USP13: variants seen among roughly 807,000 people sequenced by gnomAD.
USP13 encodes the protein ubiquitin carboxyl-terminal hydrolase 13.
Under a neutral mutation model 107.8 loss-of-function variants are expected in USP13, and 68 were observed. That is an observed-to-expected ratio of 0.63 (90% confidence interval 0.52 to 0.77). The LOEUF is 0.77. USP13 is among the 30% of genes least tolerant of loss of function. The pLI is 0.00. For synonymous variants in USP13, 377 were observed against 389.5 expected (o/e 0.97, Z 0.38); for missense variants, 945 against 1,093.3 (o/e 0.86, Z 1.91).
chr3:179,710,954 A>G (rs1436669027), intron 6 of USP13, among the ~76,000 whole-genome samples: 1 of 152,192 alleles, frequency 6.6e-6, no homozygotes, highest in Non-Finnish European at 1.5e-5. Flanking sequence ...TGGAACACGC[A>G]GGGCTGGAGG....
At chr3:179,695,038 GA>G (rs1009454437) in intron 3 of USP13, among the ~76,000 whole-genome samples, 1 of 152,310 alleles carries the variant, frequency 6.6e-6, no homozygotes, top group Admixed American at 6.5e-5. Flanking sequence ...TTATTAGGAA[GA>G]AGGGGACAGT....
chr3:179,772,625 T>G (rs1231347710), intron 19 of USP13, among the ~76,000 whole-genome samples: 1 of 152,228 alleles, frequency 6.6e-6, no homozygotes, highest in Non-Finnish European at 1.5e-5. Flanking sequence ...ATGCCACTGG[T>G]GCTAATTCTC....
intron 1 of USP13, among the ~76,000 whole-genome samples, chr3:179,659,045 T>C (rs1033031032): frequency 2.6e-5 from 4 of 152,180 alleles, no homozygotes; most frequent in Non-Finnish European, 4.4e-5. Context: ...CCTTCTCGCA[T>C]TGGGACTGTT....
chr3:179,782,898 A>C (rs991601618), intron 20 of USP13, among the ~76,000 whole-genome samples: 2 of 152,166 alleles, frequency 1.3e-5, no homozygotes, highest in African/African-American at 4.8e-5. Flanking sequence ...GGCATGTGCT[A>C]TCATGACTGG....
Position 179,765,860 on chromosome 3 carries a change from C to A in USP13, c.2413+12C>A, listed in dbSNP as rs780302918. ...GGATGGATCTGGAAGTAAGTTCTTG[C>A]CTTAGAGGCTGTCTGAGCAGTCAGA... is the stretch of plus-strand genomic sequence containing the variant. On this transcript the variant is annotated intron_variant, in intron 19 of 20. Transcript: ENST00000263966. The A allele has an allele frequency of 3.1e-6, 5 of 1,612,590 alleles. No homozygotes were observed. The Admixed American group carries it at 5.0e-5, about 16-fold the overall frequency.
intron 14 of USP13, among the ~76,000 whole-genome samples, chr3:179,752,945 T>C (rs1008482176): frequency 6.6e-6 from 1 of 152,246 alleles, no homozygotes; most frequent in Non-Finnish European, 1.5e-5. Context: ...TTTGGCTTCA[T>C]GAGGCTTTCT....
intron 19 of USP13, among the ~76,000 whole-genome samples, chr3:179,777,443 C>CTTTTTTTTTTTTTTTTTTTT (rs11317182): frequency 7.9e-5 from 9 of 113,696 alleles, no homozygotes; most frequent in Non-Finnish European, 1.0e-4. Flanking sequence ...CTCTCTCTCT[C>CTTTTTTTTTTTTTTTTTTTT]TTTTTTTTTT....
At chr3:179,774,170 T>C (rs1405042355) in intron 19 of USP13, among the ~76,000 whole-genome samples, 3 of 152,092 alleles carry the variant, frequency 2.0e-5, no homozygotes, top group African/African-American at 7.2e-5. Context: ...AGAGGTGTCA[T>C]GTTTTTTTAA....
At chr3:179,728,138 T>G (rs1243234072) in intron 8 of USP13, among the ~76,000 whole-genome samples, 1 of 101,264 alleles carries the variant, frequency 9.9e-6, no homozygotes, top group African/African-American at 3.7e-5. Context: ...CACTTCCCAG[T>G]AGGGGCGGCC....
At chr3:179,716,278 T>G (rs1393611520) in intron 6 of USP13, among the ~76,000 whole-genome samples, 2 of 152,192 alleles carry the variant, frequency 1.3e-5, no homozygotes, top group Non-Finnish European at 2.9e-5. Context: ...TCTCTCTCCC[T>G]TCTACTTTCC....
Position 179,765,735 on chromosome 3 carries a change from ACCCT to A in USP13, c.2301_2304del (p.His767GlnfsTer10), listed in dbSNP as rs1560079828. The A allele has an allele frequency of 2.1e-5, 34 of 1,614,098 alleles. No homozygotes were observed. The highest frequency in any genetic ancestry group is 2.8e-5 in the Non-Finnish European group (33 of 1,180,038). On this transcript the variant is annotated frameshift_variant, in exon 19 of 21. Transcript: ENST00000263966. LOFTEE classifies it high-confidence loss of function. ...AGAGCACTGGATTGGATCTTTAGCCACCCTGAGTTTGAAGAAGACAGTGATTTTG... is the reference window on the plus strand; with the variant it reads ...AGAGCACTGGATTGGATCTTTAGCCAGAGTTTGAAGAAGACAGTGATTTTG...
In USP13 at chr3:179,682,003, G is replaced by A; in HGVS notation, c.294G>A (p.Glu98=). 2.5e-6 allele frequency: 4 copies of A among 1,611,752 alleles called. No individual in the cohort carries two copies. Among genetic ancestry groups the A allele is most frequent in the Non-Finnish European group, 3.4e-6 (4 of 1,178,674 alleles). Residue 98 remains glutamate, a splice_region_variant and synonymous_variant, in exon 2 of 21, where the codon GAG becomes GAA. Coordinates refer to ENST00000263966, the MANE Select transcript of USP13 (RefSeq NM_003940.3). ...VYMHLKRHVR[E]KVRGASGGAL... ...TGCACCTGAAAAGACATGTGCGAGA[G>A]GTGAGAGCGGCACTTTCAGAGAACT...
rs1030439178 is a variant in USP13 at position 179,775,703 on chromosome 3, C to T, written c.2414-6036C>T. 7.0e-4 allele frequency among the ~76,000 whole-genome samples: 106 copies of T among 152,292 alleles called. 1 individual carries two copies. Among genetic ancestry groups the T allele is most frequent in the Non-Finnish European group, 3.2e-4 (22 of 67,992 alleles). Reference sequence around the variant, plus strand: ...CCTGGCGAGAATTCGAGTGCAGTGCCAGCAGGCTGGCACTGCTGGCGGACC... The same window carrying T: ...CCTGGCGAGAATTCGAGTGCAGTGCTAGCAGGCTGGCACTGCTGGCGGACC... On this transcript the variant is annotated intron_variant, in intron 19 of 20. Transcript: ENST00000263966.
chr3:179,699,165 C>T (rs146292310), intron 3 of USP13, among the ~76,000 whole-genome samples: 2 of 152,042 alleles, frequency 1.3e-5, no homozygotes, highest in East Asian at 3.9e-4. Flanking sequence ...CATGCCTGGC[C>T]GGGTTGAATA....
In USP13 at chr3:179,763,978, CT is replaced by C. The variant is rs773068102; in HGVS notation, c.2093-22del. On this transcript the variant is annotated intron_variant, in intron 17 of 20. Transcript: ENST00000263966. ...AAAAAAAAAAAAAAAAAGGAAAAGA[CT>C]TGGGTGTGGTTATTTTTCTCAGATT... The C allele has an allele frequency of 6.9e-6, 10 of 1,458,092 alleles. No homozygotes were observed. The Admixed American group carries it at 1.1e-4, about 15-fold the overall frequency. 90.3% of individuals were successfully genotyped at this position (1,458,092 alleles called of 1,614,324 possible). A position where few individuals can be genotyped will look rare whatever the true frequency, so the allele number is the denominator to read the frequency against.
At chr3:179,757,557 ATAGCCTTT>A (rs1276846958) in intron 16 of USP13, among the ~76,000 whole-genome samples, 2 of 152,184 alleles carry the variant, frequency 1.3e-5, no homozygotes, top group Non-Finnish European at 2.9e-5. Flanking sequence ...TGTTAATTTT[ATAGCCTTT>A]TAGTTCCTAA....
chr3:179,755,948 A>G (rs925277799), intron 15 of USP13, among the ~76,000 whole-genome samples: 2 of 152,186 alleles, frequency 1.3e-5, no homozygotes, highest in African/African-American at 2.4e-5. Context: ...GTCAAATGCT[A>G]AATTATAGAG....
intron 6 of USP13, among the ~76,000 whole-genome samples, chr3:179,710,195 C>G (rs186907664): frequency 6.6e-6 from 1 of 152,148 alleles, no homozygotes; most frequent in South Asian, 2.1e-4. Flanking sequence ...CCTAAATCTT[C>G]CAGGATTGAA....
chr3:179,752,838 C>G (rs1204874379), intron 14 of USP13, among the ~76,000 whole-genome samples: 1 of 152,158 alleles, frequency 6.6e-6, no homozygotes, highest in Non-Finnish European at 1.5e-5. Context: ...TAGGATCTCT[C>G]CTCTGCCTCT....
Sources: allele counts gnomAD v4.1 joint callset (sites outside exome capture counted in the v4.1 genomes callset), GRCh38; gene constraint gnomAD v4.1.1; transcripts MANE v1.5; gene names NCBI Gene and HGNC (gene_info 2026-07-23, HGNC 2026-07-21).